CLYBL: variants seen among roughly 807,000 people sequenced by gnomAD.
CLYBL encodes citramalyl-CoA lyase, mitochondrial.
Under a neutral mutation model 38.9 loss-of-function variants are expected in CLYBL, and 31 were observed. The ratio of observed to expected loss-of-function variants is 0.80; its 90% confidence interval spans 0.60 to 1.08. The LOEUF (loss-of-function observed/expected upper bound fraction) is 1.08, where lower values mean the gene tolerates loss of function less well. Ranked by LOEUF, CLYBL falls within the 50% of genes least tolerant of loss-of-function variation. The probability of loss-of-function intolerance (pLI) is 0.00; values close to 1 mark genes in which losing one functional copy is unlikely to be tolerated. For missense variants in CLYBL, 434 were observed against 411.6 expected (o/e 1.05, Z -0.47); for synonymous variants, 171 against 158.6 (o/e 1.08, Z -0.59).
chr13:99,820,363 T>A (rs2050564128), intron 2 of CLYBL, among the ~76,000 whole-genome samples: 1 of 152,178 alleles, frequency 6.6e-6, no homozygotes, highest in South Asian at 2.1e-4. Context: ...TATTTAAAAA[T>A]TTTTGTCTTT....
intron 7 of CLYBL, among the ~76,000 whole-genome samples, chr13:99,877,179 C>A (rs902900357): frequency 4.6e-5 from 7 of 152,218 alleles, no homozygotes; most frequent in Non-Finnish European, 2.9e-5. Flanking sequence ...TCAAGGACAT[C>A]AAAGGACAGG....
chr13:99,861,861 A>G (rs2139211292), intron 3 of CLYBL, among the ~76,000 whole-genome samples: 1 of 152,320 alleles, frequency 6.6e-6, no homozygotes, highest in African/African-American at 2.4e-5. Context: ...CTTCTGGTAA[A>G]TAGGCTGCCA....
At chr13:99,882,859 A>G (rs1311034835) in intron 7 of CLYBL, among the ~76,000 whole-genome samples, 1 of 151,662 alleles carries the variant, frequency 6.6e-6, no homozygotes, top group Non-Finnish European at 1.5e-5. Flanking sequence ...TTTCCTCCTC[A>G]AGGAAACTGA....
At chr13:99,647,530 G>A (rs996480350) in intron 1 of CLYBL, among the ~76,000 whole-genome samples, 3 of 151,806 alleles carry the variant, frequency 2.0e-5, no homozygotes, top group African/African-American at 7.3e-5. Flanking sequence ...GGGAATGTAT[G>A]CTGATTCTCT....
rs577708421 is a variant in CLYBL at position 99,683,051 on chromosome 13, T to C, written c.62+76294T>C. On this transcript the variant is annotated intron_variant, in intron 1 of 8. Transcript: ENST00000339105. ...CCACACCTGGCCCAACTTTTTACTT[T>C]ATAAACTTTATATATATATATATGT... Among the ~76,000 whole-genome samples, 191 of 149,636 alleles carry C rather than the reference T, an allele frequency of 1.3e-3. No individual in the cohort carries two copies. The South Asian group carries it at 0.017, about 13-fold the overall frequency.
intron 2 of CLYBL, among the ~76,000 whole-genome samples, chr13:99,817,654 C>CAAAAAAA (rs1189248896): frequency 8.6e-4 from 42 of 48,712 alleles, no homozygotes; most frequent in East Asian, 3.5e-3. Context: ...GACTCTGTCT[C>CAAAAAAA]AAAAAAAAAA....
chr13:99,720,047 T>C (rs2048372057), intron 1 of CLYBL, among the ~76,000 whole-genome samples: 1 of 152,082 alleles, frequency 6.6e-6, no homozygotes, highest in Non-Finnish European at 1.5e-5. Flanking sequence ...GCTGTTTACT[T>C]ACTGTATTTC....
intron 7 of CLYBL, among the ~76,000 whole-genome samples, chr13:99,883,563 C>G (rs182106643): frequency 1.3e-5 from 2 of 152,008 alleles, no homozygotes; most frequent in African/African-American, 4.8e-5. Context: ...AAAATGTCAT[C>G]TCTCTTCCAG....
intron 1 of CLYBL, among the ~76,000 whole-genome samples, chr13:99,724,939 C>T (rs1356707018): frequency 6.6e-6 from 1 of 152,208 alleles, no homozygotes. Flanking sequence ...TTCAATCAAG[C>T]ATTGCATTAA....
intron 1 of CLYBL, among the ~76,000 whole-genome samples, chr13:99,743,956 T>TC (rs1426884203): frequency 2.7e-5 from 4 of 149,886 alleles, no homozygotes; most frequent in East Asian, 3.9e-4. Flanking sequence ...TCTTTTTTTT[T>TC]CTCTTCTTTC....
At chr13:99,726,107 C>T (rs1472131785) in intron 1 of CLYBL, 1 of 152,106 alleles carries the variant, frequency 6.6e-6, no homozygotes, top group African/African-American at 2.4e-5. Context: ...ATGATAATTA[C>T]TGCTATTCTG....
chr13:99,861,022 G>C (rs1191897063), intron 3 of CLYBL, among the ~76,000 whole-genome samples: 3 of 152,098 alleles, frequency 2.0e-5, no homozygotes, highest in Non-Finnish European at 4.4e-5. Flanking sequence ...TGAAAGAATC[G>C]CTGAGCCCTG....
rs192639934 is a variant in CLYBL at position 99,784,371 on chromosome 13, C to T, written c.249+11361C>T. 1.5e-3 allele frequency among the ~76,000 whole-genome samples: 227 copies of T among 151,068 alleles called. 1 individual carries two copies. The highest frequency in any genetic ancestry group is 5.1e-3 in the African/African-American group (210 of 41,344). ...GGTCTGATATAGGTATTTGATTCCC[C>T]GTGTCCTTATTTTTCTTTCACAAAT... On this transcript the variant is annotated intron_variant, in intron 2 of 8. Coordinates refer to ENST00000339105, the MANE Select transcript of CLYBL (RefSeq NM_206808.5).
chr13:99,766,771 C>T (rs2049276645), intron 1 of CLYBL, among the ~76,000 whole-genome samples: 1 of 152,154 alleles, frequency 6.6e-6, no homozygotes, highest in Non-Finnish European at 1.5e-5. Flanking sequence ...TATCAGAACG[C>T]TGCTCTTCCT....
intron 1 of CLYBL, among the ~76,000 whole-genome samples, chr13:99,720,664 A>G (rs1053488038): frequency 6.6e-6 from 1 of 152,176 alleles, no homozygotes; most frequent in African/African-American, 2.4e-5. Context: ...TATTCTCTCA[A>G]TACTTTGAAA....
intron 1 of CLYBL, among the ~76,000 whole-genome samples, chr13:99,608,847 C>CTTTTTTT (rs57961216): frequency 4.6e-5 from 4 of 87,884 alleles, no homozygotes; most frequent in Non-Finnish European, 6.0e-5. Flanking sequence ...AGTGATGAGT[C>CTTTTTTT]TTTTTTTTTT....
intron 3 of CLYBL, among the ~76,000 whole-genome samples, chr13:99,859,475 A>G (rs116080211): frequency 6.6e-6 from 1 of 152,320 alleles, no homozygotes; most frequent in African/African-American, 2.4e-5. Flanking sequence ...GGGAGGGCAC[A>G]TTTGCCGCAT....
chr13:99,717,833 A>ATG (rs373293085), intron 1 of CLYBL, among the ~76,000 whole-genome samples: 21 of 151,468 alleles, frequency 1.4e-4, no homozygotes, highest in South Asian at 8.4e-4. Context: ...TTGGGTGTGT[A>ATG]TGTGTGTGTG....
chr13:99,754,416 C>CAAA lies in CLYBL; in HGVS notation c.63-18387_63-18385dup, dbSNP rs1172376194. Among the ~76,000 whole-genome samples the CAAA allele has an allele frequency of 2.0e-3, 141 of 71,844 alleles. 2 individuals are homozygous for CAAA. Among genetic ancestry groups the CAAA allele is most frequent in the Middle Eastern group, 8.1e-3 (1 of 124 alleles). 47.1% of individuals were successfully genotyped at this position (71,844 alleles called of 152,430 possible). On this transcript the variant is annotated intron_variant, in intron 1 of 8. Coordinates refer to ENST00000339105, the MANE Select transcript of CLYBL (RefSeq NM_206808.5). ...TGGGCAACAGCGTGAGACCCTGTCT[C>CAAA]AAAAAAAAAAAAAAAAAAAAAAAGA...
Sources: gnomAD v4.1 joint callset for allele counts (sites outside exome capture counted in the v4.1 genomes callset) on GRCh38, gnomAD v4.1.1 for gene constraint, MANE v1.5 for transcripts, NCBI Gene and HGNC (gene_info 2026-07-23, HGNC 2026-07-21) for gene names.